Variants in STK33 observed in about 807,000 individuals in gnomAD.
The protein encoded by STK33 is serine/threonine-protein kinase 33.
Under a neutral mutation model 58.0 loss-of-function variants are expected in STK33, and 52 were observed. The observed-to-expected ratio is 0.90, with a 90% confidence interval of 0.72 to 1.13. The LOEUF (loss-of-function observed/expected upper bound fraction) is 1.13. STK33 is among the 50% of genes most tolerant of loss of function. The pLI is 0.00. For synonymous variants in STK33, 215 were observed against 200.1 expected, an observed-to-expected ratio of 1.07 and a Z score of -0.63; for missense variants, 630 against 604.2, an observed-to-expected ratio of 1.04 and a Z score of -0.45.
intron 1 of STK33, among the ~76,000 whole-genome samples, chr11:8,486,393 G>A (rs1423453932): frequency 6.6e-6 from 1 of 151,208 alleles, no homozygotes; most frequent in Non-Finnish European, 1.5e-5. Flanking sequence ...GCCTTCTTAT[G>A]TGTACTCTCA....
intron 1 of STK33, among the ~76,000 whole-genome samples, chr11:8,489,417 A>C (rs961174779): frequency 2.6e-5 from 4 of 152,178 alleles, no homozygotes; most frequent in African/African-American, 9.7e-5. Context: ...AGGCTGAATA[A>C]TTTCTAAAGA....
intron 15 of STK33, among the ~76,000 whole-genome samples, chr11:8,408,837 T>C (rs952090436): frequency 2.6e-5 from 4 of 152,198 alleles, no homozygotes; most frequent in African/African-American, 9.6e-5. Context: ...AAGTGTCCTC[T>C]CCCAGGGGAG....
chr11:8,557,248 G>GAAA (rs145181993), intron 1 of STK33, among the ~76,000 whole-genome samples: 24 of 41,226 alleles, frequency 5.8e-4, no homozygotes, highest in African/African-American at 2.0e-3. Context: ...GGGACCTTGT[G>GAAA]GGGAAGGGAA....
intron 1 of STK33, among the ~76,000 whole-genome samples, chr11:8,584,593 C>A (rs553055791): frequency 6.6e-6 from 1 of 152,270 alleles, no homozygotes; most frequent in African/African-American, 2.4e-5. Flanking sequence ...TATGATAATG[C>A]CAACGTCAGC....
At chr11:8,400,674 C>G (rs1349486406) in intron 15 of STK33, among the ~76,000 whole-genome samples, 4 of 152,184 alleles carry the variant, frequency 2.6e-5, no homozygotes, top group African/African-American at 9.7e-5. Context: ...AAGAGGAAGT[C>G]AAATTGTCCC....
At chr11:8,561,837 A>G (rs2140947618) in intron 1 of STK33, among the ~76,000 whole-genome samples, 1 of 152,310 alleles carries the variant, frequency 6.6e-6, no homozygotes, top group Non-Finnish European at 1.5e-5. Flanking sequence ...CCTGAGGGAT[A>G]ACTGGAACCA....
intron 15 of STK33, among the ~76,000 whole-genome samples, chr11:8,398,047 A>G (rs370565407): frequency 9.2e-5 from 14 of 152,358 alleles, no homozygotes; most frequent in East Asian, 7.7e-4. Flanking sequence ...GCACGATATT[A>G]TCCAGGAGAA....
chr11:8,558,700 G>T (rs1565362976), intron 1 of STK33, among the ~76,000 whole-genome samples: 1 of 152,154 alleles, frequency 6.6e-6, no homozygotes, highest in African/African-American at 2.4e-5. Flanking sequence ...TGTCCGTTTT[G>T]TGTGTTCCTG....
chr11:8,508,185 C>G (rs1952016107), intron 1 of STK33, among the ~76,000 whole-genome samples: 1 of 151,890 alleles, frequency 6.6e-6, no homozygotes, highest in Non-Finnish European at 1.5e-5. Flanking sequence ...ACCACCACGC[C>G]CAGCCAACAA....
intron 12 of STK33, 83 bp downstream of exon 12, chr11:8,440,595 T>C (rs1240021724): frequency 8.6e-7 from 1 of 1,158,898 alleles, no homozygotes; most frequent in East Asian, 2.7e-5. Flanking sequence ...AAAATATATA[T>C]TAGTTTTAAT....
chr11:8,392,312 C>T lies in STK33; in HGVS notation c.*198G>A. ...ACTGCCAAGCCTACTGGTGGCTGTC[C>T]TTTAATGCCATGTGCAGCTTATGCT... On this transcript the variant is annotated 3_prime_UTR_variant, in exon 16 of 16. Coordinates refer to ENST00000687296, the MANE Select transcript of STK33 (RefSeq NM_001352389.2). The T allele has an allele frequency of 4.6e-6, 3 of 647,806 alleles. No individual in the cohort carries two copies. The highest frequency in any genetic ancestry group is 7.9e-6 in the Non-Finnish European group (3 of 378,532). The allele number at this position is 647,806 out of a possible 1,614,324, so 40.1% of individuals were successfully genotyped here.
intron 1 of STK33, among the ~76,000 whole-genome samples, chr11:8,558,423 A>G (rs1956910046): frequency 6.6e-6 from 1 of 152,060 alleles, no homozygotes; most frequent in East Asian, 1.9e-4. Context: ...ACACACACAC[A>G]CACGAAACCT....
chr11:8,366,461 TG>T, the STK33 span, among the ~76,000 whole-genome samples: 1 of 151,772 alleles, frequency 6.6e-6, no homozygotes, highest in East Asian at 1.9e-4. Context: ...ACAGAAGGGG[TG>T]GGAGAGCACA....
At chr11:8,484,532 G>C (rs544099823) in intron 1 of STK33, among the ~76,000 whole-genome samples, 2 of 152,146 alleles carry the variant, frequency 1.3e-5, no homozygotes, top group African/African-American at 2.4e-5. Context: ...AATAGCCTAC[G>C]AGCAACTTGT....
At chr11:8,577,954 G>A (rs1240551777) in intron 1 of STK33, among the ~76,000 whole-genome samples, 1 of 152,096 alleles carries the variant, frequency 6.6e-6, no homozygotes, top group East Asian at 1.9e-4. Flanking sequence ...CTCCAGGGAA[G>A]TTCTTCCATG....
At chr11:8,382,953 A>G in the STK33 span, among the ~76,000 whole-genome samples, 2 of 152,192 alleles carry the variant, frequency 1.3e-5, no homozygotes, top group Non-Finnish European at 2.9e-5. Context: ...GCAGTCACTG[A>G]AAGTCCACCA....
chr11:8,434,700 C>G (rs1038114762), intron 14 of STK33, among the ~76,000 whole-genome samples: 1 of 152,162 alleles, frequency 6.6e-6, no homozygotes, highest in African/African-American at 2.4e-5. Flanking sequence ...TACTCAAACT[C>G]ACACCTGCAT....
At chr11:8,407,028 T>C (rs1382083422) in intron 15 of STK33, among the ~76,000 whole-genome samples, 8 of 151,988 alleles carry the variant, frequency 5.3e-5, no homozygotes, top group Non-Finnish European at 8.8e-5. Context: ...TTCCCTTTTA[T>C]TCCTAGTCTG....
chr11:8,482,027 G>C (rs541088137), intron 1 of STK33, among the ~76,000 whole-genome samples: 1 of 152,212 alleles, frequency 6.6e-6, no homozygotes, highest in Admixed American at 6.5e-5. Flanking sequence ...AGACCAAAAA[G>C]ATTCATGTGA....
Sources: gnomAD v4.1 joint callset for allele counts (sites outside exome capture counted in the v4.1 genomes callset) on GRCh38, gnomAD v4.1.1 for gene constraint, MANE v1.5 for transcripts, NCBI Gene and HGNC (gene_info 2026-07-23, HGNC 2026-07-21) for gene names.